FRMD5: variants seen among roughly 807,000 people sequenced by gnomAD.
FRMD5 encodes the protein FERM domain-containing protein 5.
A neutral mutation model predicts 69.0 loss-of-function variants in FRMD5; 20 were observed. That is an observed-to-expected ratio of 0.29 (90% CI 0.20 to 0.42). The LOEUF (loss-of-function observed/expected upper bound fraction) is 0.42, where lower values mean the gene tolerates loss of function less well. Among genes scored for constraint, FRMD5 ranks in the 10% least tolerant of loss-of-function variants. The pLI is 1.00. For synonymous variants in FRMD5, 271 were observed against 260.1 expected (o/e 1.04, Z -0.40); for missense variants, 595 against 708.6 (o/e 0.84, Z 1.82).
At chr15:43,906,872 A>G (rs2140411968) in intron 5 of FRMD5, among the ~76,000 whole-genome samples, 1 of 152,102 alleles carries the variant, frequency 6.6e-6, no homozygotes, top group Admixed American at 6.5e-5. Context: ...AAGTGCTGGG[A>G]TTACAGGCGT....
rs35986581 is a variant in FRMD5 at position 43,965,576 on chromosome 15, CTTTTTTT to C, written c.103-41274_103-41268del. Among the ~76,000 whole-genome samples the C allele has an allele frequency of 3.4e-3, 376 of 110,378 alleles. 2 individuals carry two copies. Among genetic ancestry groups the C allele is most frequent in the African/African-American group, 0.012 (345 of 29,430 alleles). The allele number at this position is 110,378 out of a possible 152,430, so 72.4% of individuals were successfully genotyped here. On this transcript the variant is annotated intron_variant, in intron 1 of 13. Transcript: ENST00000417257. ...ATGCAAAATTAATCTTTTAAAAAGT[CTTTTTTT>C]TTTTTTTTTTTTTTTGAGACAGAGT...
At position 44,006,863 on chromosome 15, in the gene FRMD5, T is replaced by C. The variant is rs368456947; in HGVS notation, c.103-82554A>G. On this transcript the variant is annotated intron_variant, in intron 1 of 13. Coordinates refer to ENST00000417257, the MANE Select transcript of FRMD5 (RefSeq NM_032892.5). Reference sequence around the variant, plus strand: ...ATTGTTGAAATGACAACAAAGGATTTAGAATATCCCATAAACTTAGTTGAT... The same window carrying C: ...ATTGTTGAAATGACAACAAAGGATTCAGAATATCCCATAAACTTAGTTGAT... Among the ~76,000 whole-genome samples the C allele has an allele frequency of 3.7e-3, 561 of 152,374 alleles. 4 individuals carry two copies. Among genetic ancestry groups the C allele is most frequent in the South Asian group, 0.018 (86 of 4,830 alleles).
intron 1 of FRMD5, among the ~76,000 whole-genome samples, chr15:43,964,040 AAAACTT>A (rs984073419): frequency 2.2e-4 from 33 of 152,278 alleles, no homozygotes; most frequent in African/African-American, 7.7e-4. Context: ...CATGTACCCT[AAAACTT>A]AAAGTATAAT....
chr15:43,989,605 G>A, intron 1 of FRMD5: 1 of 856,328 alleles, frequency 1.2e-6, no homozygotes. Context: ...TGTGCTAGGT[G>A]AGGACCTTCA....
chr15:43,909,126 G>T (rs2089236641), intron 5 of FRMD5, among the ~76,000 whole-genome samples: 1 of 152,044 alleles, frequency 6.6e-6, no homozygotes, highest in Non-Finnish European at 1.5e-5. Flanking sequence ...TGGGTGTGGT[G>T]GCTCACACCT....
At chr15:43,997,654 C>CTTTAG (rs112966946) in intron 1 of FRMD5, among the ~76,000 whole-genome samples, 1 of 151,654 alleles carries the variant, frequency 6.6e-6, no homozygotes, top group Non-Finnish European at 1.5e-5. Context: ...GATTTCTATT[C>CTTTAG]TTTTTATATT....
Position 44,062,689 on chromosome 15 carries a change from C to CAA in FRMD5, c.102+132262_102+132263dup, listed in dbSNP as rs35998128. ...TGGGCAACAGAGTGAGACTCTGTCT[C>CAA]AAAAAAAAAAAAAAAAAAGTATATG... On this transcript the variant is annotated intron_variant, in intron 1 of 13. Coordinates refer to ENST00000417257, the MANE Select transcript of FRMD5 (RefSeq NM_032892.5). Among the ~76,000 whole-genome samples, 772 of 117,854 alleles carry CAA rather than the reference C, an allele frequency of 6.6e-3. 15 individuals are homozygous for CAA. Among genetic ancestry groups the CAA allele is most frequent in the Middle Eastern group, 0.017 (4 of 236 alleles). 77.3% of individuals were successfully genotyped at this position (117,854 alleles called of 152,430 possible).
chr15:44,187,717 C>T (rs879449076), intron 1 of FRMD5, among the ~76,000 whole-genome samples: 2 of 152,086 alleles, frequency 1.3e-5, no homozygotes, highest in African/African-American at 2.4e-5. Context: ...TACAGGTATA[C>T]ACCAACATGC....
Position 44,090,677 on chromosome 15 carries a change from T to C in FRMD5, c.102+104276A>G, listed in dbSNP as rs1227082703. On this transcript the variant is annotated intron_variant, in intron 1 of 13. Transcript: ENST00000417257. Reference sequence around the variant, plus strand: ...CTGGTCTCAAACTGCTGACCTCAGGTGATCCGCCCGCCTCACCCTCCCAAA... The same window carrying C: ...CTGGTCTCAAACTGCTGACCTCAGGCGATCCGCCCGCCTCACCCTCCCAAA... 2.0e-5 allele frequency among the ~76,000 whole-genome samples: 3 copies of C among 152,184 alleles called. No individual in the cohort carries two copies. The East Asian group carries it at 5.8e-4, about 29-fold the overall frequency.
chr15:43,910,290 C>T (rs1013340434), intron 4 of FRMD5, among the ~76,000 whole-genome samples: 26 of 152,158 alleles, frequency 1.7e-4, no homozygotes, highest in Admixed American at 2.0e-4. Flanking sequence ...CAGCCCCAGT[C>T]GATCTGGTGC....
intron 1 of FRMD5, among the ~76,000 whole-genome samples, chr15:43,940,854 G>A (rs983801691): frequency 6.6e-6 from 1 of 152,154 alleles, no homozygotes; most frequent in Admixed American, 6.5e-5. Context: ...TCTTTAAATC[G>A]AGTATTATCA....
intron 7 of FRMD5, among the ~76,000 whole-genome samples, chr15:43,898,064 T>C (rs2088957612): frequency 6.6e-6 from 1 of 152,236 alleles, no homozygotes; most frequent in South Asian, 2.1e-4. Context: ...CAGGTAGTTC[T>C]TTATAGCAGT....
intron 1 of FRMD5, among the ~76,000 whole-genome samples, chr15:43,993,135 CT>C (rs1417543942): frequency 6.6e-6 from 1 of 152,092 alleles, no homozygotes; most frequent in African/African-American, 2.4e-5. Flanking sequence ...TGATTTCAAT[CT>C]TCTTAAACTC....
chr15:43,886,325 A>G (rs1009769609), intron 10 of FRMD5, among the ~76,000 whole-genome samples: 5 of 152,222 alleles, frequency 3.3e-5, no homozygotes, highest in South Asian at 2.1e-4. Context: ...TGACCACAGT[A>G]AAGACAGAAA....
At chr15:43,967,962 C>T (rs901173213) in intron 1 of FRMD5, among the ~76,000 whole-genome samples, 1 of 151,596 alleles carries the variant, frequency 6.6e-6, no homozygotes, top group African/African-American at 2.4e-5. Context: ...GTTCCCCTCC[C>T]TGTGTCCATG....
chr15:44,150,177 T>C (rs1208534782), intron 1 of FRMD5, among the ~76,000 whole-genome samples: 1 of 152,136 alleles, frequency 6.6e-6, no homozygotes, highest in East Asian at 1.9e-4. Flanking sequence ...AAGTCATATA[T>C]GAAAAATCCA....
intron 1 of FRMD5, among the ~76,000 whole-genome samples, chr15:44,060,321 G>A (rs1298774415): frequency 1.3e-5 from 2 of 152,180 alleles, no homozygotes; most frequent in Non-Finnish European, 2.9e-5. Context: ...ACACTAGGTG[G>A]ATACCCAGAA....
chr15:44,083,805 T>C (rs1265427483), intron 1 of FRMD5, among the ~76,000 whole-genome samples: 1 of 151,960 alleles, frequency 6.6e-6, no homozygotes, highest in Non-Finnish European at 1.5e-5. Flanking sequence ...TTAAAAGCCA[T>C]TGTGTGTTAA....
chr15:44,044,417 C>G (rs918074049), intron 1 of FRMD5, among the ~76,000 whole-genome samples: 11 of 152,146 alleles, frequency 7.2e-5, no homozygotes, highest in Non-Finnish European at 5.9e-5. Flanking sequence ...AATCCCATTA[C>G]TGGGTATATA....
Sources: allele counts gnomAD v4.1 joint callset (sites outside exome capture counted in the v4.1 genomes callset), GRCh38; gene constraint gnomAD v4.1.1; transcripts MANE v1.5; gene names NCBI Gene and HGNC (gene_info 2026-07-23, HGNC 2026-07-21).